Variants in TGM6 observed in about 807,000 individuals in gnomAD.
TGM6 encodes the protein protein-glutamine gamma-glutamyltransferase 6.
TGM6 carries 74 observed loss-of-function variants against 77.5 expected under a neutral mutation model. That is an observed-to-expected ratio of 0.96 (90% CI 0.79 to 1.16). The LOEUF (loss-of-function observed/expected upper bound fraction) is 1.16, where lower values mean the gene tolerates loss of function less well. TGM6 is among the 50% of genes most tolerant of loss of function. TGM6 has a pLI of 0.00. For synonymous variants in TGM6, 383 were observed against 378.9 expected (o/e 1.01, Z -0.12); for missense variants, 968 against 940.2 (o/e 1.03, Z -0.39).
Position 2,399,729 on chromosome 20 carries a change from C to T in TGM6, c.841C>T (p.Leu281=), listed in dbSNP as rs1353264863. Reference sequence around the variant, plus strand: ...CCAGTGCTGGGTCTTCGCCGGAGTCCTGTGCACAGGTACCCTGGGAGAGAA... The same window carrying T: ...CCAGTGCTGGGTCTTCGCCGGAGTCTTGTGCACAGGTACCCTGGGAGAGAA... ...YGQCWVFAGV[L]CTVLRCLGIA... is the part of the protein sequence containing the mutation. The change falls in exon 6 of 13, where the codon CTG becomes TTG. Residue 281 remains leucine, a synonymous_variant. Transcript: ENST00000202625. The T allele has an allele frequency of 1.2e-6, 2 of 1,613,570 alleles. No homozygotes were observed. Among genetic ancestry groups the T allele is most frequent in the South Asian group, 2.2e-5 (2 of 91,048 alleles).
intron 10 of TGM6, among the ~76,000 whole-genome samples, chr20:2,421,841 A>T (rs983664136): frequency 6.6e-6 from 1 of 152,170 alleles, no homozygotes; most frequent in Non-Finnish European, 1.5e-5. Flanking sequence ...TGTATCAAAA[A>T]AAATTACCGG....
At chr20:2,405,064 T>C (rs1417189594) in intron 9 of TGM6, among the ~76,000 whole-genome samples, 3 of 152,192 alleles carry the variant, frequency 2.0e-5, no homozygotes, top group African/African-American at 4.8e-5. Flanking sequence ...TGGTTCATCT[T>C]CTCCAGGTGG....
intron 3 of TGM6, 63 bp from the exon 4 acceptor site, chr20:2,396,443 C>T (rs1599948828): frequency 6.5e-7 from 1 of 1,537,210 alleles, no homozygotes; most frequent in Non-Finnish European, 9.0e-7. Flanking sequence ...CTGATGCAGC[C>T]CCTTCCCCAG....
chr20:2,399,556 C>T lies in TGM6; in HGVS notation c.673-5C>T. 2.5e-6 allele frequency: 4 copies of T among 1,612,458 alleles called. No homozygotes were observed. Among genetic ancestry groups the T allele is most frequent in the Non-Finnish European group, 8.5e-7 (1 of 1,179,880 alleles). ...GGTTGTGGACCCGTGCCCTCCTCTG[C>T]CCAGGTGAACAGCAACAACGACCGA... On this transcript the variant is annotated splice_region_variant and splice_polypyrimidine_tract_variant and intron_variant, in intron 5 of 12. Coordinates refer to ENST00000202625, the MANE Select transcript of TGM6 (RefSeq NM_198994.3).
intron 9 of TGM6, among the ~76,000 whole-genome samples, chr20:2,415,999 A>AG (rs1018907080): frequency 6.6e-6 from 1 of 152,016 alleles, no homozygotes; most frequent in Non-Finnish European, 1.5e-5. Flanking sequence ...CGTTCCCTCT[A>AG]GGGGGGGCTG....
rs2084595978 is a variant in TGM6 at position 2,386,380 on chromosome 20, G to T, written c.7+5405G>T. Among the ~76,000 whole-genome samples, 5 of 152,102 alleles carry T rather than the reference G, an allele frequency of 3.3e-5. No individual in the cohort carries two copies. In the South Asian group the frequency reaches 1.0e-3, roughly 32 times the overall value. On this transcript the variant is annotated intron_variant, in intron 1 of 12. Coordinates refer to ENST00000202625, the MANE Select transcript of TGM6 (RefSeq NM_198994.3). ...TCCTGGGTTATGGGGTGAGTGTAGA[G>T]TTGGGCAGGGGAGGTGCCGGGGGCT... is the stretch of plus-strand genomic sequence containing the variant.
intron 1 of TGM6, among the ~76,000 whole-genome samples, chr20:2,391,120 G>A (rs536962599): frequency 3.3e-5 from 5 of 150,816 alleles, no homozygotes; most frequent in Admixed American, 2.7e-4. Context: ...TGTTGAGAAT[G>A]AGCCCTGAGG....
chr20:2,417,991 T>G (rs1238791533), intron 10 of TGM6, among the ~76,000 whole-genome samples: 4 of 152,042 alleles, frequency 2.6e-5, no homozygotes, highest in Non-Finnish European at 5.9e-5. Flanking sequence ...GCTGGACTGG[T>G]AACAGATGGT....
At chr20:2,410,507 T>C (rs4428078) in intron 9 of TGM6, among the ~76,000 whole-genome samples, 23,220 of 152,072 alleles carry the variant, frequency 0.15, 1,933 homozygotes, top group East Asian at 0.25. Flanking sequence ...CTCTAGCAAA[T>C]TATGAAACCT....
intron 10 of TGM6, among the ~76,000 whole-genome samples, chr20:2,420,171 G>C (rs977814317): frequency 6.6e-6 from 1 of 152,164 alleles, no homozygotes; most frequent in Non-Finnish European, 1.5e-5. Flanking sequence ...CGTGAACCCA[G>C]GAGGCAGAGC....
At chr20:2,400,216 C>T in intron 6 of TGM6, 90 bp from the exon 7 acceptor site, 1 of 1,590,740 alleles carries the variant, frequency 6.3e-7, no homozygotes, top group South Asian at 1.1e-5. Flanking sequence ...AGGGCTTTGG[C>T]CACAAATGAG....
Position 2,403,658 on chromosome 20 carries a change from G to A in TGM6, c.1171G>A (p.Val391Met), listed in dbSNP as rs116904482. Residue 391 changes from valine to methionine, a missense_variant, in exon 9 of 13, where the codon GTG (valine) becomes ATG (methionine). Val to Met is a conservative substitution (Grantham distance 21). Transcript: ENST00000202625. ...DVHLAHDGPF[V>M]FAEVNADYIT... ...GCACCTGGCTCACGATGGCCCCTTCGTGTTTGCGGAGGTCAACGCCGACTA... is the reference window on the plus strand; with the variant it reads ...GCACCTGGCTCACGATGGCCCCTTCATGTTTGCGGAGGTCAACGCCGACTA... The A allele has an allele frequency of 3.3e-4, 530 of 1,614,162 alleles. 8 individuals carry two copies. In the East Asian group the frequency reaches 9.2e-3, roughly 28 times the overall value.
intron 1 of TGM6, among the ~76,000 whole-genome samples, chr20:2,386,626 C>T (rs2084598120): frequency 6.6e-6 from 1 of 152,066 alleles, no homozygotes. Context: ...AAGTATCCAC[C>T]AAGAATTCGG....
At chr20:2,394,662 G>T in intron 2 of TGM6, 37 bp downstream of exon 2, 1 of 1,578,760 alleles carries the variant, frequency 6.3e-7, no homozygotes, top group Non-Finnish European at 8.6e-7. Flanking sequence ...CTCGTCTGCA[G>T]CTGGAGGGAC....
intron 5 of TGM6, among the ~76,000 whole-genome samples, chr20:2,398,611 G>A (rs1470165041): frequency 3.3e-5 from 5 of 151,844 alleles, no homozygotes; most frequent in African/African-American, 9.7e-5. Context: ...AAGAGGAAGT[G>A]GAAGCTCCCA....
At chr20:2,399,967 C>T (rs1442487904) in intron 6 of TGM6, among the ~76,000 whole-genome samples, 3 of 152,148 alleles carry the variant, frequency 2.0e-5, no homozygotes, top group Admixed American at 6.5e-5. Context: ...CATTGAGTGC[C>T]TTGGGCGAGC....
At chr20:2,391,030 T>G (rs975072323) in intron 1 of TGM6, among the ~76,000 whole-genome samples, 2 of 139,270 alleles carry the variant, frequency 1.4e-5, no homozygotes, top group African/African-American at 5.4e-5. Context: ...ACTTCAACTC[T>G]GCTGAGAGAG....
chr20:2,406,862 A>AT, intron 9 of TGM6, among the ~76,000 whole-genome samples: 1 of 141,834 alleles, frequency 7.1e-6, no homozygotes, highest in South Asian at 2.3e-4. Context: ...AAAAAAAAAA[A>AT]AAAACCATGG....
chr20:2,403,330 C>G, intron 7 of TGM6, 67 bp from the exon 8 acceptor site: 2 of 1,566,182 alleles, frequency 1.3e-6, no homozygotes, highest in Non-Finnish European at 1.7e-6. Context: ...GGGCCTGCCT[C>G]TCAGTAGGAT....
Sources: gnomAD v4.1 joint callset for allele counts (sites outside exome capture counted in the v4.1 genomes callset) on GRCh38, gnomAD v4.1.1 for gene constraint, MANE v1.5 for transcripts, NCBI Gene and HGNC (gene_info 2026-07-23, HGNC 2026-07-21) for gene names.